Variants in ABCD3 observed in about 807,000 individuals in gnomAD.
ABCD3 encodes the protein ATP binding cassette subfamily D member 3, also known as ATP-binding cassette sub-family D member 3.
ABCD3 carries 41 observed loss-of-function variants against 105.5 expected under a neutral mutation model. That is an observed-to-expected ratio of 0.39 (90% CI 0.30 to 0.50). The LOEUF (loss-of-function observed/expected upper bound fraction) is 0.50. ABCD3 is among the 20% of genes least tolerant of loss of function. The pLI is 0.84. For synonymous variants in ABCD3, 258 were observed against 269.0 expected (o/e 0.96, Z 0.40); for missense variants, 622 against 806.3 (o/e 0.77, Z 2.77).
At chr1:94,479,153 A>T (rs1648912394) in intron 8 of ABCD3, among the ~76,000 whole-genome samples, 1 of 151,598 alleles carries the variant, frequency 6.6e-6, no homozygotes, top group Non-Finnish European at 1.5e-5. Context: ...TGTTTTTCGA[A>T]TTTTTCTGTT....
rs994602806 is a variant in ABCD3 at position 94,418,399 on chromosome 1, C to T, written c.-80C>T. The T allele has an allele frequency of 2.4e-6, 3 of 1,272,736 alleles. No homozygotes were observed. Among genetic ancestry groups the T allele is most frequent in the Non-Finnish European group, 3.3e-6 (3 of 909,258 alleles). The allele number at this position is 1,272,736 out of a possible 1,614,324, so 78.8% of individuals were successfully genotyped here. On this transcript the variant is annotated 5_prime_UTR_variant, in exon 1 of 23. Coordinates refer to ENST00000370214, the MANE Select transcript of ABCD3 (RefSeq NM_002858.4). ...GCCCTCTGCTCTCCTCCCAGTCTCC[C>T]CCGCGCTGCGTGCAGTAAGGTAGCC...
chr1:94,395,100 G>A, the ABCD3 span, among the ~76,000 whole-genome samples: 1 of 152,094 alleles, frequency 6.6e-6, no homozygotes, highest in South Asian at 2.1e-4. Context: ...AATGCCTTGG[G>A]TATCCTCCTG....
chr1:94,446,975 C>A (rs978797397), intron 1 of ABCD3, among the ~76,000 whole-genome samples: 1 of 152,130 alleles, frequency 6.6e-6, no homozygotes, highest in Non-Finnish European at 1.5e-5. Flanking sequence ...ACATATGATG[C>A]CTGAAATCAG....
Position 94,480,537 on chromosome 1 carries a change from A to C in ABCD3, c.758A>C (p.Lys253Thr). 1 of 1,613,910 alleles carries C rather than the reference A, an allele frequency of 6.2e-7. No individual in the cohort carries two copies. The highest frequency in any genetic ancestry group is 1.1e-5 in the South Asian group (1 of 91,080). The change falls in exon 9 of 23, where the codon AAG becomes ACG. Residue 253 changes from lysine (K) to threonine (T), a missense_variant. This residue lies in a region of ABCD3 where 245 missense variants were observed against 356.4 expected (regional missense o/e 0.69). Coordinates refer to ENST00000370214, the MANE Select transcript of ABCD3 (RefSeq NM_002858.4). ...ACTCGACTTCGAAGACCCATTGGTA[A>C]GATGACAATAACTGAGCAAAAGTAT... The part of the protein sequence containing the change: ...FLTRLRRPIG[K>T]MTITEQKYEG...
chr1:94,505,102 A>G (rs560587206), intron 20 of ABCD3, among the ~76,000 whole-genome samples: 17 of 152,346 alleles, frequency 1.1e-4, no homozygotes, highest in Admixed American at 3.3e-4. Flanking sequence ...TAGAAATTAC[A>G]TTTGAGTTTT....
chr1:94,390,499 C>T, the ABCD3 span, among the ~76,000 whole-genome samples: 2 of 152,034 alleles, frequency 1.3e-5, no homozygotes, highest in Non-Finnish European at 2.9e-5. Flanking sequence ...GATGGGGTTT[C>T]ACCACGTTGG....
chr1:94,498,495 T>A lies in ABCD3; in HGVS notation c.1387-107T>A, dbSNP rs1649934034. On this transcript the variant is annotated intron_variant, in intron 16 of 22. Coordinates refer to ENST00000370214, the MANE Select transcript of ABCD3 (RefSeq NM_002858.4). ...CTACATTTACAGACAAATAGAAGGCTTATAATTAGCCAGGAGCTATTAATA... is the reference window on the plus strand; with the variant it reads ...CTACATTTACAGACAAATAGAAGGCATATAATTAGCCAGGAGCTATTAATA... 4 of 1,143,632 alleles carry A rather than the reference T, an allele frequency of 3.5e-6. No individual in the cohort carries two copies. In the South Asian group the frequency reaches 5.3e-5, roughly 15 times the overall value. 70.8% of individuals were successfully genotyped at this position (1,143,632 alleles called of 1,614,324 possible). A position where few individuals can be genotyped will look rare whatever the true frequency, so the allele number is the denominator to read the frequency against.
At chr1:94,419,145 G>T (rs533962587) in intron 1 of ABCD3, among the ~76,000 whole-genome samples, 2 of 152,288 alleles carry the variant, frequency 1.3e-5, no homozygotes, top group African/African-American at 4.8e-5. Flanking sequence ...AACTATTCCC[G>T]GTCCACTTGG....
At chr1:94,515,245 T>C in intron 22 of ABCD3, 43 bp downstream of exon 22, 2 of 1,471,120 alleles carry the variant, frequency 1.4e-6, no homozygotes, top group Non-Finnish European at 1.9e-6. Context: ...AATTTTATTT[T>C]CTTTAAAATA....
At chr1:94,388,656 ACG>A in the ABCD3 span, among the ~76,000 whole-genome samples, 2 of 152,120 alleles carry the variant, frequency 1.3e-5, no homozygotes, top group African/African-American at 4.8e-5. Context: ...TATTCAGATC[ACG>A]TGGCCACAGA....
chr1:94,478,192 A>G, intron 7 of ABCD3, 67 bp from the exon 8 acceptor site: 1 of 943,228 alleles, frequency 1.1e-6, no homozygotes, highest in South Asian at 1.4e-5. Flanking sequence ...TATAGTTAAC[A>G]TGTTGTATTA....
At chr1:94,455,499 A>G (rs538677563) in intron 1 of ABCD3, among the ~76,000 whole-genome samples, 295 of 151,970 alleles carry the variant, frequency 1.9e-3, no homozygotes, top group Non-Finnish European at 3.2e-3. Context: ...CTAATTTTGT[A>G]TTTTTAGTAG....
chr1:94,391,316 T>C, the ABCD3 span, among the ~76,000 whole-genome samples: 1 of 152,232 alleles, frequency 6.6e-6, no homozygotes, highest in African/African-American at 2.4e-5. Flanking sequence ...TAATCACTTT[T>C]GCACCAACCT....
intron 1 of ABCD3, among the ~76,000 whole-genome samples, chr1:94,424,770 A>G (rs1489311521): frequency 6.6e-6 from 1 of 152,212 alleles, no homozygotes; most frequent in Non-Finnish European, 1.5e-5. Flanking sequence ...TTTTCTCCTT[A>G]GCACTTATCA....
rs1224504517 is a variant in ABCD3 at position 94,465,058 on chromosome 1, T to C, written c.246+185T>C. On this transcript the variant is annotated intron_variant, in intron 3 of 22. Transcript: ENST00000370214. ...GGAAGCTGGCAATCACAGCTGAAGG[T>C]GAAGGGGGAAGCCAGTGTCTCACAT... 2.6e-5 allele frequency among the ~76,000 whole-genome samples: 4 copies of C among 151,800 alleles called. No individual in the cohort carries two copies. The East Asian group carries it at 7.8e-4, about 29-fold the overall frequency.
intron 9 of ABCD3, chr1:94,481,444 A>G (rs528604992): frequency 1.3e-5 from 2 of 152,390 alleles, no homozygotes; most frequent in South Asian, 4.1e-4. Context: ...GTGATTTGCC[A>G]AGTAAATGAA....
chr1:94,498,532 G>A, intron 16 of ABCD3, 70 bp from the exon 17 acceptor site: 3 of 1,495,304 alleles, frequency 2.0e-6, no homozygotes, highest in Non-Finnish European at 1.9e-6. Flanking sequence ...TTGAGTCTAA[G>A]GAAATGTTGA....
chr1:94,424,902 T>C (rs1460827086), intron 1 of ABCD3, among the ~76,000 whole-genome samples: 1 of 152,232 alleles, frequency 6.6e-6, no homozygotes, highest in African/African-American at 2.4e-5. Flanking sequence ...TTATTCACAG[T>C]TATAGCCCCA....
intron 1 of ABCD3, among the ~76,000 whole-genome samples, chr1:94,427,665 G>A (rs1467378479): frequency 6.6e-6 from 1 of 152,114 alleles, no homozygotes; most frequent in Non-Finnish European, 1.5e-5. Flanking sequence ...ACGGGAAATG[G>A]TATTTCACTA....
Sources: allele counts gnomAD v4.1 joint callset (sites outside exome capture counted in the v4.1 genomes callset), GRCh38; gene constraint gnomAD v4.1.1; regional missense constraint gnomAD v4.1.1; transcripts MANE v1.5; gene names NCBI Gene and HGNC (gene_info 2026-07-23, HGNC 2026-07-21).